The following RGS7 variants were observed in gnomAD, a reference collection of about 807,000 sequenced individuals.
The protein encoded by RGS7 is regulator of G-protein signaling 7.
A neutral mutation model predicts 81.1 loss-of-function variants in RGS7; 27 were observed. The ratio of observed to expected loss-of-function variants is 0.33; its 90% CI spans 0.25 to 0.46. The LOEUF (loss-of-function observed/expected upper bound fraction) is 0.46, where lower values mean the gene tolerates loss of function less well. Among genes scored for constraint, RGS7 ranks in the 20% least tolerant of loss-of-function variants. RGS7 has a pLI of 1.00. For synonymous variants in RGS7, 208 were observed against 207.7 expected (o/e 1.00, Z -0.01); for missense variants, 396 against 607.4 (o/e 0.65, Z 3.66).
intron 2 of RGS7, among the ~76,000 whole-genome samples, chr1:241,193,560 A>G (rs183742952): frequency 2.6e-5 from 4 of 152,364 alleles, no homozygotes; most frequent in Admixed American, 1.3e-4. Context: ...GTTGCTTAAC[A>G]TATGTTCAAT....
intron 7 of RGS7, among the ~76,000 whole-genome samples, chr1:240,869,184 C>T (rs1471034760): frequency 6.6e-6 from 1 of 152,118 alleles, no homozygotes; most frequent in Non-Finnish European, 1.5e-5. Context: ...TTTTTCGGTA[C>T]CCACTTTATA....
At chr1:241,100,352 G>C (rs1327988345) in intron 2 of RGS7, among the ~76,000 whole-genome samples, 2 of 121,498 alleles carry the variant, frequency 1.6e-5, no homozygotes, top group African/African-American at 7.1e-5. Context: ...TCCAGCCTGG[G>C]CAAAAGAGCA....
At chr1:241,112,188 A>G (rs1430879175) in intron 2 of RGS7, among the ~76,000 whole-genome samples, 1 of 152,140 alleles carries the variant, frequency 6.6e-6, no homozygotes, top group East Asian at 1.9e-4. Context: ...GTGTAGGCAG[A>G]AGGGCTAAAA....
chr1:241,097,846 C>T (rs2064390277), intron 3 of RGS7, among the ~76,000 whole-genome samples: 1 of 152,106 alleles, frequency 6.6e-6, no homozygotes, highest in African/African-American at 2.4e-5. Context: ...ATGATTCTTT[C>T]CTCTCTCAGT....
chr1:240,876,893 A>G (rs1035143556), intron 6 of RGS7, among the ~76,000 whole-genome samples: 4 of 152,152 alleles, frequency 2.6e-5, no homozygotes, highest in Non-Finnish European at 5.9e-5. Flanking sequence ...CCCAGGAGGC[A>G]GAGGTTGCAG....
At chr1:241,167,992 GA>G (rs2070402019) in intron 2 of RGS7, among the ~76,000 whole-genome samples, 1 of 151,992 alleles carries the variant, frequency 6.6e-6, no homozygotes, top group African/African-American at 2.4e-5. Context: ...AGACTCTTGT[GA>G]AAAAAATGAA....
At chr1:240,966,893 T>A (rs988062918) in intron 4 of RGS7, among the ~76,000 whole-genome samples, 6 of 152,244 alleles carry the variant, frequency 3.9e-5, no homozygotes, top group African/African-American at 1.4e-4. Context: ...ATTTTTTTAA[T>A]GTTAATATTC....
rs756733845 is a variant in RGS7, at chr1:240,868,863, T to C, written c.451-11A>G. 1.2e-5 allele frequency: 19 copies of C among 1,612,872 alleles called. No individual in the cohort carries two copies. In the East Asian group the frequency reaches 3.1e-4, roughly 26 times the overall value. The stretch of plus-strand genomic sequence containing the variant: ...CCTGGCCAGGCTCTCCTGAAAAACA[T>C]ACCCCAGGTGAAGACATTTGGTGTT... On this transcript the variant is annotated splice_polypyrimidine_tract_variant and intron_variant, in intron 7 of 18. Transcript: ENST00000440928. The surrounding 1 kb of genome is among the most constrained non-coding windows in gnomAD (Gnocchi z 5.1).
chr1:241,017,801 T>G (rs2059339596), intron 3 of RGS7, among the ~76,000 whole-genome samples: 1 of 152,170 alleles, frequency 6.6e-6, no homozygotes, highest in South Asian at 2.1e-4. Context: ...GTTTTTGGTT[T>G]TGTTTTGCTG....
chr1:240,887,510 G>A (rs1295644597), intron 6 of RGS7, among the ~76,000 whole-genome samples: 1 of 152,160 alleles, frequency 6.6e-6, no homozygotes, highest in Non-Finnish European at 1.5e-5. Flanking sequence ...TTACAGGCGT[G>A]AGAGTATATA....
chr1:241,317,079 G>C (rs1314502156), intron 2 of RGS7, among the ~76,000 whole-genome samples: 1 of 152,148 alleles, frequency 6.6e-6, no homozygotes, highest in African/African-American at 2.4e-5. Context: ...TTTCCCTGGG[G>C]TAAATACAAA....
At chr1:240,918,768 A>G (rs949436307) in intron 6 of RGS7, among the ~76,000 whole-genome samples, 1 of 152,086 alleles carries the variant, frequency 6.6e-6, no homozygotes, top group Non-Finnish European at 1.5e-5. Context: ...TTGAAAATCA[A>G]TAGAGAAATT....
intron 2 of RGS7, among the ~76,000 whole-genome samples, chr1:241,125,115 T>C (rs1316279207): frequency 2.0e-5 from 3 of 152,162 alleles, no homozygotes; most frequent in Non-Finnish European, 2.9e-5. Flanking sequence ...GCTTTGACCC[T>C]CCCATTGGAC....
At chr1:241,189,434 G>A (rs1366868906) in intron 2 of RGS7, among the ~76,000 whole-genome samples, 1 of 152,038 alleles carries the variant, frequency 6.6e-6, no homozygotes, top group Non-Finnish European at 1.5e-5. Flanking sequence ...GTTAGATATG[G>A]GGTTTACCAT....
At chr1:240,787,720 G>A (rs1183120014) in intron 18 of RGS7, among the ~76,000 whole-genome samples, 1 of 152,028 alleles carries the variant, frequency 6.6e-6, no homozygotes, top group Non-Finnish European at 1.5e-5. Context: ...TAACTCACAA[G>A]ATAAATTTAG....
At chr1:241,222,172 G>T (rs2075054386) in intron 2 of RGS7, among the ~76,000 whole-genome samples, 1 of 152,180 alleles carries the variant, frequency 6.6e-6, no homozygotes, top group Admixed American at 6.5e-5. Flanking sequence ...GGTTGTGATT[G>T]TTATAGCTGC....
intron 3 of RGS7, among the ~76,000 whole-genome samples, chr1:241,063,990 T>C (rs142500384): frequency 0.026 from 3,870 of 150,066 alleles, 147 homozygotes; most frequent in African/African-American, 0.077. Flanking sequence ...TCGAGACCAG[T>C]CTGACCAACA....
At position 241,186,885 on chromosome 1, in the gene RGS7, G is replaced by C. The variant is rs114850925; in HGVS notation, c.79-88123C>G. Among the ~76,000 whole-genome samples, 1,086 of 152,228 alleles carry C rather than the reference G, an allele frequency of 7.1e-3. 16 individuals are homozygous for C. Among genetic ancestry groups the C allele is most frequent in the African/African-American group, 0.025 (1,050 of 41,530 alleles). On this transcript the variant is annotated intron_variant, in intron 2 of 18. Coordinates refer to ENST00000440928, the MANE Select transcript of RGS7 (RefSeq NM_001364886.1). ...GGCTATGACAATGGATTCAATGTTGGATAAGACAGAAATGTAAGCAGATGA... is the reference window on the plus strand; with the variant it reads ...GGCTATGACAATGGATTCAATGTTGCATAAGACAGAAATGTAAGCAGATGA...
intron 3 of RGS7, 91 bp downstream of exon 3, chr1:241,098,575 C>T: frequency 1.2e-6 from 1 of 843,074 alleles, no homozygotes; most frequent in Non-Finnish European, 2.0e-6. Context: ...GGATTAGAGA[C>T]AGAGTTTCAA....
Sources: allele counts gnomAD v4.1 joint callset (sites outside exome capture counted in the v4.1 genomes callset), GRCh38; gene constraint gnomAD v4.1.1; non-coding constraint Gnocchi (gnomAD v3.1); transcripts MANE v1.5; gene names NCBI Gene and HGNC (gene_info 2026-07-23, HGNC 2026-07-21).